The following RGS6 variants were observed in gnomAD, a reference collection of about 807,000 sequenced individuals.
RGS6 encodes the protein regulator of G-protein signaling 6.
In RGS6, 30 loss-of-function variants were observed where a neutral mutation model predicts 78.5. The observed-to-expected ratio is 0.38, with a 90% CI of 0.29 to 0.52. The LOEUF (loss-of-function observed/expected upper bound fraction) is 0.52. RGS6 is among the 20% of genes least tolerant of loss of function. RGS6 has a pLI of 0.85. For synonymous variants in RGS6, 206 were observed against 206.0 expected, an observed-to-expected ratio of 1.00 and a Z score of 0.00; for missense variants, 495 against 609.7, an observed-to-expected ratio of 0.81 and a Z score of 1.98.
chr14:72,496,870 A>G (rs914171182), intron 13 of RGS6, among the ~76,000 whole-genome samples: 6 of 152,356 alleles, frequency 3.9e-5, no homozygotes, highest in South Asian at 2.1e-4. Flanking sequence ...ATATAGTCCA[A>G]TAATTTTTAA....
intron 1 of RGS6, among the ~76,000 whole-genome samples, chr14:71,946,788 A>G (rs891189018): frequency 1.3e-5 from 2 of 152,186 alleles, no homozygotes. Flanking sequence ...TGTGCAAAGA[A>G]TATTTAATAC....
the RGS6 span, among the ~76,000 whole-genome samples, chr14:72,574,852 G>T: frequency 6.6e-6 from 1 of 152,148 alleles, no homozygotes; most frequent in Non-Finnish European, 1.5e-5. Flanking sequence ...GACTGAGAAA[G>T]GTCAGACCTA....
At chr14:71,949,236 C>A (rs1253525517) in intron 1 of RGS6, among the ~76,000 whole-genome samples, 3 of 152,130 alleles carry the variant, frequency 2.0e-5, no homozygotes, top group Non-Finnish European at 4.4e-5. Flanking sequence ...TTTATTCGAT[C>A]CTTACAAAGA....
intron 13 of RGS6, among the ~76,000 whole-genome samples, chr14:72,496,577 A>G (rs2096648166): frequency 6.6e-6 from 1 of 152,250 alleles, no homozygotes; most frequent in Non-Finnish European, 1.5e-5. Flanking sequence ...GAATGAAAAC[A>G]AAATTTTCAA....
the RGS6 span, among the ~76,000 whole-genome samples, chr14:71,922,521 T>C: frequency 6.6e-6 from 1 of 152,252 alleles, no homozygotes; most frequent in African/African-American, 2.4e-5. Flanking sequence ...CATCATGGCC[T>C]ATGTTAACAT....
intron 3 of RGS6, among the ~76,000 whole-genome samples, chr14:72,433,736 G>A (rs759912746): frequency 3.9e-5 from 6 of 151,968 alleles, no homozygotes; most frequent in Middle Eastern, 3.4e-3. Flanking sequence ...CCAAACTCTC[G>A]GTTTGCATCC....
intron 2 of RGS6, among the ~76,000 whole-genome samples, chr14:72,113,315 G>A (rs1162837884): frequency 6.6e-6 from 1 of 152,226 alleles, no homozygotes; most frequent in Non-Finnish European, 1.5e-5. Flanking sequence ...AAGAAACTGA[G>A]TGTCAGAGTA....
intron 2 of RGS6, among the ~76,000 whole-genome samples, chr14:72,050,875 G>C (rs1488083879): frequency 3.3e-5 from 5 of 152,168 alleles, no homozygotes; most frequent in Admixed American, 6.5e-5. Context: ...TTTGGTATAT[G>C]CAACAGGTCC....
intron 15 of RGS6, among the ~76,000 whole-genome samples, chr14:72,529,907 C>A (rs1020795011): frequency 1.6e-4 from 24 of 152,272 alleles, no homozygotes; most frequent in African/African-American, 4.1e-4. Context: ...CATTAGAGGC[C>A]GATTTGTCTT....
intron 3 of RGS6, among the ~76,000 whole-genome samples, chr14:72,429,809 T>G (rs1245727582): frequency 6.6e-6 from 1 of 152,184 alleles, no homozygotes; most frequent in Non-Finnish European, 1.5e-5. Context: ...GTAATCCCGT[T>G]GTGACAAGGG....
intron 2 of RGS6, among the ~76,000 whole-genome samples, chr14:72,124,317 T>C (rs575835050): frequency 6.6e-6 from 1 of 152,326 alleles, no homozygotes; most frequent in South Asian, 2.1e-4. Flanking sequence ...TAACCTGCCT[T>C]GTACAGTTCG....
chr14:72,489,469 C>A (rs550387144), intron 12 of RGS6, among the ~76,000 whole-genome samples: 1 of 152,330 alleles, frequency 6.6e-6, no homozygotes, highest in Admixed American at 6.5e-5. Context: ...CCTGTGAAAC[C>A]TGTGAATGTG....
At chr14:72,307,964 T>C (rs1158995590) in intron 2 of RGS6, among the ~76,000 whole-genome samples, 1 of 152,188 alleles carries the variant, frequency 6.6e-6, no homozygotes, top group African/African-American at 2.4e-5. Flanking sequence ...ATTTAAATAG[T>C]AGTCTTTCCT....
At chr14:72,570,693 G>T (rs1337106907), downstream of RGS6, among the ~76,000 whole-genome samples, 1 of 152,164 alleles carries the variant, frequency 6.6e-6, no homozygotes, top group Non-Finnish European at 1.5e-5. Flanking sequence ...AGACCCCAGG[G>T]ACATGGGGAT....
chr14:72,326,167 A>G (rs1048567396), intron 2 of RGS6, among the ~76,000 whole-genome samples: 1 of 152,218 alleles, frequency 6.6e-6, no homozygotes, highest in South Asian at 2.1e-4. Context: ...ATGCTGGCCA[A>G]TATACATTCA....
chr14:72,373,020 T>C (rs1053952167), intron 3 of RGS6, among the ~76,000 whole-genome samples: 1 of 151,960 alleles, frequency 6.6e-6, no homozygotes, highest in Non-Finnish European at 1.5e-5. Context: ...ACCCCCAGGA[T>C]CCCTGTGACT....
intron 2 of RGS6, among the ~76,000 whole-genome samples, chr14:72,234,805 A>G (rs994957603): frequency 2.0e-5 from 3 of 152,076 alleles, no homozygotes. Flanking sequence ...TTTGAGAGCA[A>G]GTTTTCTCTT....
the RGS6 span, among the ~76,000 whole-genome samples, chr14:71,920,943 T>C: frequency 6.6e-6 from 1 of 152,132 alleles, no homozygotes; most frequent in Non-Finnish European, 1.5e-5. Flanking sequence ...GGAGAAAATA[T>C]TTACAATATT....
chr14:72,523,402 T>C (rs116275240), intron 15 of RGS6, among the ~76,000 whole-genome samples: 4,320 of 152,282 alleles, frequency 0.028, 97 homozygotes, highest in East Asian at 0.076. Flanking sequence ...GGGCTCTGGG[T>C]GGCTTCCTCA....
Sources: allele counts gnomAD v4.1 joint callset (sites outside exome capture counted in the v4.1 genomes callset), GRCh38; gene constraint gnomAD v4.1.1; transcripts MANE v1.5; gene names NCBI Gene and HGNC (gene_info 2026-07-23, HGNC 2026-07-21).